WDPCP: variants seen among roughly 807,000 people sequenced by gnomAD.
WDPCP encodes the protein WD repeat containing planar cell polarity effector.
Under a neutral mutation model 93.1 loss-of-function variants are expected in WDPCP, and 71 were observed. The observed-to-expected ratio is 0.76, with a 90% CI of 0.63 to 0.93. The LOEUF (loss-of-function observed/expected upper bound fraction) is 0.93, where lower values mean the gene tolerates loss of function less well. Ranked by LOEUF, WDPCP falls within the 40% of genes least tolerant of loss-of-function variation. WDPCP has a pLI of 0.00. For synonymous variants in WDPCP, 315 were observed against 315.0 expected, an observed-to-expected ratio of 1.00 and a Z score of 0.00; for missense variants, 844 against 887.4, an observed-to-expected ratio of 0.95 and a Z score of 0.62.
At chr2:63,583,298 A>G (rs1192042972) in intron 1 of WDPCP, among the ~76,000 whole-genome samples, 1 of 152,252 alleles carries the variant, frequency 6.6e-6, no homozygotes, top group Non-Finnish European at 1.5e-5. Context: ...ATTTCAATTC[A>G]TCAAAAAGAA....
intron 3 of WDPCP, chr2:63,622,213 C>T: frequency 1.2e-5 from 20 of 1,603,814 alleles, no homozygotes; most frequent in East Asian, 2.2e-5. Flanking sequence ...TTCTTGGTGG[C>T]CGCCTTGCTG....
At chr2:63,752,090 G>T (rs1669890982) in intron 2 of WDPCP, 8 of 602,136 alleles carry the variant, frequency 1.3e-5, no homozygotes, top group Non-Finnish European at 2.1e-5. Context: ...TCTTGTTTTG[G>T]CAGGGCTTTC....
intron 1 of WDPCP, among the ~76,000 whole-genome samples, chr2:63,506,568 C>T (rs113533433): frequency 8.7e-4 from 132 of 152,034 alleles, no homozygotes; most frequent in African/African-American, 3.0e-3. Context: ...AAAGCAAGTA[C>T]CAATGGCGGG....
At chr2:63,468,746 CCTT>C (rs891832893) in intron 6 of WDPCP, among the ~76,000 whole-genome samples, 3 of 152,152 alleles carry the variant, frequency 2.0e-5, no homozygotes, top group Non-Finnish European at 2.9e-5. Context: ...CTGTCTCTCT[CCTT>C]CTTTCTTGCC....
intron 14 of WDPCP, among the ~76,000 whole-genome samples, chr2:63,234,053 T>C (rs952073427): frequency 2.0e-5 from 3 of 152,146 alleles, no homozygotes; most frequent in Non-Finnish European, 4.4e-5. Flanking sequence ...AAAATAGATA[T>C]GTTGTGAGGT....
At chr2:63,809,858 G>A (rs373536753) in intron 2 of WDPCP, among the ~76,000 whole-genome samples, 7 of 151,612 alleles carry the variant, frequency 4.6e-5, no homozygotes, top group Admixed American at 1.3e-4. Context: ...CACTGTTGTC[G>A]TATGACCCTG....
At chr2:63,508,377 G>C (rs1192589587) in intron 1 of WDPCP, among the ~76,000 whole-genome samples, 2 of 151,970 alleles carry the variant, frequency 1.3e-5, no homozygotes, top group Non-Finnish European at 2.9e-5. Flanking sequence ...TTATAGACAA[G>C]CAAATGCTGA....
intron 14 of WDPCP, among the ~76,000 whole-genome samples, chr2:63,244,694 T>C (rs1680130414): frequency 6.6e-6 from 1 of 152,122 alleles, no homozygotes; most frequent in East Asian, 1.9e-4. Flanking sequence ...AACAGACCAA[T>C]AACAAATTCC....
In WDPCP at chr2:63,174,689, G is replaced by T. The variant is rs1283720653; in HGVS notation, c.2059C>A (p.Leu687Met). The T allele has an allele frequency of 6.2e-7, 1 of 1,613,776 alleles. No homozygotes were observed. Among genetic ancestry groups the T allele is most frequent in the Non-Finnish European group, 8.5e-7 (1 of 1,179,880 alleles). The stretch of plus-strand genomic sequence containing the variant: ...TCTTACCTGTTAGAAGAGCCATTCA[G>T]TATTCTTTGTTGTAAAATATGTCTG... Reference protein sequence around the residue: ...THRHILQQRILNGSSNRQIID... With the variant: ...THRHILQQRIMNGSSNRQIID... The change falls in exon 15 of 18, where the codon CTG becomes ATG. Residue 687 changes from leucine to methionine, a missense_variant. Physicochemically the swap from Leu to Met is conservative, Grantham distance 15 (BLOSUM62 2). Coordinates refer to ENST00000272321, the MANE Select transcript of WDPCP (RefSeq NM_015910.7).
intron 3 of WDPCP, among the ~76,000 whole-genome samples, chr2:63,649,088 T>C (rs1423118241): frequency 6.6e-6 from 1 of 152,204 alleles, no homozygotes; most frequent in Non-Finnish European, 1.5e-5. Flanking sequence ...CTTTAGTATA[T>C]TGACTATGGT....
At chr2:63,263,414 T>A (rs1046465488) in intron 13 of WDPCP, among the ~76,000 whole-genome samples, 1 of 152,120 alleles carries the variant, frequency 6.6e-6, no homozygotes, top group African/African-American at 2.4e-5. Flanking sequence ...GGGTTAGTTA[T>A]CAAAAAAATG....
At chr2:63,599,238 CA>C in intron 3 of WDPCP, 1 of 1,613,714 alleles carries the variant, frequency 6.2e-7, no homozygotes, top group Admixed American at 1.7e-5. Context: ...CATCCATCCC[CA>C]AGGAGAACTT....
At chr2:63,433,633 G>A (rs950756206) in intron 9 of WDPCP, 112 bp downstream of exon 9, 1 of 1,166,420 alleles carries the variant, frequency 8.6e-7, no homozygotes, top group Non-Finnish European at 1.2e-6. Flanking sequence ...TTGAATATTT[G>A]AAAAACATAA....
At chr2:63,251,001 C>T (rs11899838) in intron 14 of WDPCP, among the ~76,000 whole-genome samples, 39,822 of 151,864 alleles carry the variant, frequency 0.26, 8,010 homozygotes, top group African/African-American at 0.54. Context: ...TAGAACTAAA[C>T]GCCTGCACCA....
At chr2:63,394,289 C>T (rs942187893) in intron 10 of WDPCP, among the ~76,000 whole-genome samples, 1 of 151,924 alleles carries the variant, frequency 6.6e-6, no homozygotes, top group African/African-American at 2.4e-5. Flanking sequence ...AAAAAATGCT[C>T]AACATCACTA....
intron 1 of WDPCP, among the ~76,000 whole-genome samples, chr2:63,548,238 C>T (rs1383201316): frequency 6.6e-6 from 1 of 151,794 alleles, no homozygotes; most frequent in Non-Finnish European, 1.5e-5. Context: ...AATGATTTTT[C>T]ATGAAAATAC....
At chr2:63,784,442 CA>C (rs1267991792) in intron 2 of WDPCP, among the ~76,000 whole-genome samples, 1 of 151,744 alleles carries the variant, frequency 6.6e-6, no homozygotes, top group Non-Finnish European at 1.5e-5. Flanking sequence ...AATGTGGGTC[CA>C]AAAAAGCTCT....
chr2:63,410,466 A>C (rs1354263549), intron 9 of WDPCP, among the ~76,000 whole-genome samples: 1 of 152,212 alleles, frequency 6.6e-6, no homozygotes, highest in Non-Finnish European at 1.5e-5. Context: ...CAACTTATAA[A>C]GCAAAACAAT....
At position 63,373,281 on chromosome 2, in the gene WDPCP, C is replaced by G. The variant is rs189010809; in HGVS notation, c.1748+5105G>C. ...TTTTTTTTTTCTTTTAAATGACATA[C>G]GGTCTTGCTCTGTCGCCCAGTGCAA... On this transcript the variant is annotated intron_variant, in intron 12 of 17. Coordinates refer to ENST00000272321, the MANE Select transcript of WDPCP (RefSeq NM_015910.7). Among the ~76,000 whole-genome samples the G allele has an allele frequency of 5.0e-5, 7 of 141,336 alleles. No homozygotes were observed. In the Admixed American group the frequency reaches 5.2e-4, roughly 10 times the overall value. The allele number at this position is 141,336 out of a possible 152,430, so 92.7% of individuals were successfully genotyped here. A position where few individuals can be genotyped will look rare whatever the true frequency, so the allele number is the denominator to read the frequency against.
Sources: gnomAD v4.1 joint callset for allele counts (sites outside exome capture counted in the v4.1 genomes callset) on GRCh38, gnomAD v4.1.1 for gene constraint, MANE v1.5 for transcripts, NCBI Gene and HGNC (gene_info 2026-07-23, HGNC 2026-07-21) for gene names.